Variants in MREG observed in about 807,000 individuals in gnomAD.
MREG encodes the protein dilute suppressor protein homolog.
Under a neutral mutation model 28.5 loss-of-function variants are expected in MREG, and 31 were observed. That is an observed-to-expected ratio of 1.09 (90% confidence interval 0.82 to 1.47). MREG has a LOEUF of 1.47. Ranked by LOEUF, MREG falls within the 40% of genes most tolerant of loss-of-function variation. The probability of loss-of-function intolerance (pLI) is 0.00; values close to 1 mark genes in which losing one functional copy is unlikely to be tolerated. For synonymous variants in MREG, 106 were observed against 95.2 expected (o/e 1.11, Z -0.66); for missense variants, 256 against 257.4 (o/e 0.99, Z 0.04).
intron 1 of MREG, among the ~76,000 whole-genome samples, chr2:216,006,897 G>T (rs1329067068): frequency 2.0e-5 from 3 of 152,162 alleles, no homozygotes. Flanking sequence ...TTCAATGCAG[G>T]AAAAGACCCA....
At chr2:215,973,195 A>C (rs1228644826) in intron 2 of MREG, among the ~76,000 whole-genome samples, 1 of 152,152 alleles carries the variant, frequency 6.6e-6, no homozygotes, top group African/African-American at 2.4e-5. Flanking sequence ...AAGGCAGCCC[A>C]CCTTGCTGGT....
At chr2:215,949,104 A>G (rs528884807) in intron 2 of MREG, among the ~76,000 whole-genome samples, 58 of 150,746 alleles carry the variant, frequency 3.8e-4, no homozygotes, top group African/African-American at 1.4e-3. Flanking sequence ...TAATAATAAT[A>G]ATACAAAAAT....
intron 1 of MREG, among the ~76,000 whole-genome samples, chr2:216,021,424 A>T (rs540467297): frequency 6.6e-6 from 1 of 152,346 alleles, no homozygotes; most frequent in African/African-American, 2.4e-5. Context: ...AGCCTTTTAT[A>T]GGGACTAGGA....
chr2:215,994,137 C>G (rs1693795117), intron 2 of MREG, among the ~76,000 whole-genome samples: 1 of 151,972 alleles, frequency 6.6e-6, no homozygotes, highest in African/African-American at 2.4e-5. Context: ...ACACTGTTCA[C>G]AAAAGCAAAG....
intron 2 of MREG, among the ~76,000 whole-genome samples, chr2:215,973,637 C>A (rs1169864694): frequency 6.6e-6 from 1 of 152,198 alleles, no homozygotes; most frequent in Non-Finnish European, 1.5e-5. Context: ...TTATCTCTAC[C>A]ACTTCAACCT....
chr2:215,991,153 C>T (rs1354324030), intron 2 of MREG, among the ~76,000 whole-genome samples: 1 of 152,220 alleles, frequency 6.6e-6, no homozygotes, highest in Non-Finnish European at 1.5e-5. Flanking sequence ...AAGTAAAACA[C>T]TCCTCAGCAA....
intron 2 of MREG, among the ~76,000 whole-genome samples, chr2:215,969,622 C>T (rs539940456): frequency 7.6e-4 from 115 of 152,262 alleles, no homozygotes; most frequent in African/African-American, 2.7e-3. Context: ...TCTTTTATAA[C>T]GGGCAATAAT....
intron 2 of MREG, among the ~76,000 whole-genome samples, chr2:215,949,314 C>T (rs1044486685): frequency 6.7e-6 from 1 of 149,876 alleles, no homozygotes; most frequent in Non-Finnish European, 1.5e-5. Flanking sequence ...AATCCCAGCA[C>T]TTTGGGAGGC....
chr2:215,989,675 A>C (rs1173829274), intron 2 of MREG, among the ~76,000 whole-genome samples: 1 of 152,090 alleles, frequency 6.6e-6, no homozygotes, highest in South Asian at 2.1e-4. Context: ...TGCTAACTAC[A>C]GTAACCAGTT....
rs551617657 is a variant in MREG at position 215,957,204 on chromosome 2, T to C, written c.256-10091A>G. Among the ~76,000 whole-genome samples the C allele has an allele frequency of 4.0e-4, 61 of 152,260 alleles. 1 individual carries two copies. The highest frequency in any genetic ancestry group is 1.3e-3 in the African/African-American group (56 of 41,544). Reference sequence around the variant, plus strand: ...ACAGCAGCTATGCCTGAGGAGGAACTAGGAAAACACAATTGAAATCTGGGG... The same window carrying C: ...ACAGCAGCTATGCCTGAGGAGGAACCAGGAAAACACAATTGAAATCTGGGG... On this transcript the variant is annotated intron_variant, in intron 2 of 4. Transcript: ENST00000263268.
chr2:215,961,721 C>A (rs543500025), intron 2 of MREG, among the ~76,000 whole-genome samples: 4 of 152,248 alleles, frequency 2.6e-5, no homozygotes, highest in Admixed American at 6.5e-5. Context: ...GCCACCACAC[C>A]CAGCCTCTCC....
At chr2:216,002,856 CCTTT>C (rs1162642722) in intron 1 of MREG, among the ~76,000 whole-genome samples, 1 of 111,786 alleles carries the variant, frequency 8.9e-6, no homozygotes, top group African/African-American at 4.1e-5. Context: ...CTCTTCCTCC[CCTTT>C]CTTTGTTTTT....
At chr2:215,992,956 G>A (rs1352722263) in intron 2 of MREG, among the ~76,000 whole-genome samples, 1 of 152,142 alleles carries the variant, frequency 6.6e-6, no homozygotes, top group Non-Finnish European at 1.5e-5. Flanking sequence ...TCATGGATAG[G>A]AAAAATCAAT....
intron 1 of MREG, among the ~76,000 whole-genome samples, chr2:216,031,691 G>GAAAGAAAGAAAGAAAGAAAGAAAAAGAA (rs1473248845): frequency 1.6e-5 from 1 of 61,102 alleles, no homozygotes; most frequent in Non-Finnish European, 3.3e-5. Flanking sequence ...AAGAAAGAAA[G>GAAAGAAAGAAAGAAAGAAAGAAAAAGAA]AGAAAGAAAG....
intron 1 of MREG, among the ~76,000 whole-genome samples, chr2:216,004,148 G>A (rs1295811569): frequency 6.6e-6 from 1 of 152,076 alleles, no homozygotes; most frequent in Non-Finnish European, 1.5e-5. Context: ...CATCTACCTA[G>A]AATGTTTTTC....
chr2:216,018,980 A>T (rs547622217), intron 1 of MREG, among the ~76,000 whole-genome samples: 2 of 152,348 alleles, frequency 1.3e-5, no homozygotes, highest in South Asian at 2.1e-4. Flanking sequence ...AACGGCAAAG[A>T]CTCAAAGTTG....
At chr2:215,953,516 G>T (rs1204615638) in intron 2 of MREG, among the ~76,000 whole-genome samples, 2 of 152,198 alleles carry the variant, frequency 1.3e-5, no homozygotes, top group East Asian at 3.8e-4. Flanking sequence ...AATCCATGAA[G>T]CTTCTGGAGC....
chr2:215,950,942 T>TA (rs937493497), intron 2 of MREG, among the ~76,000 whole-genome samples: 2 of 152,186 alleles, frequency 1.3e-5, no homozygotes, highest in African/African-American at 4.8e-5. Context: ...TGTCTCGTGA[T>TA]AGAGTTTTCA....
At chr2:215,941,042 A>C (rs1692191307), downstream of MREG, among the ~76,000 whole-genome samples, 1 of 152,138 alleles carries the variant, frequency 6.6e-6, no homozygotes, top group African/African-American at 2.4e-5. Context: ...TACGGTTACT[A>C]CTTGGCTGAG....
Sources: allele counts gnomAD v4.1 joint callset (sites outside exome capture counted in the v4.1 genomes callset), GRCh38; gene constraint gnomAD v4.1.1; transcripts MANE v1.5; gene names NCBI Gene and HGNC (gene_info 2026-07-23, HGNC 2026-07-21).